The following GPHN variants were observed in gnomAD, a reference collection of about 807,000 sequenced individuals.
GPHN encodes the protein gephyrin.
In GPHN, 17 loss-of-function variants were observed where a neutral mutation model predicts 95.5. The ratio of observed to expected loss-of-function variants is 0.18; its 90% confidence interval spans 0.12 to 0.27. The LOEUF (loss-of-function observed/expected upper bound fraction) is 0.27, where lower values mean the gene tolerates loss of function less well. Ranked by LOEUF, GPHN falls within the 10% of genes least tolerant of loss-of-function variation. GPHN has a pLI of 1.00. For synonymous variants in GPHN, 320 were observed against 322.5 expected, an observed-to-expected ratio of 0.99 and a Z score of 0.08; for missense variants, 660 against 978.1, an observed-to-expected ratio of 0.67 and a Z score of 4.34.
At chr14:66,840,098 G>A (rs10142176) in intron 4 of GPHN, among the ~76,000 whole-genome samples, 35,212 of 151,786 alleles carry the variant, frequency 0.23, 8,068 homozygotes, top group African/African-American at 0.56. Flanking sequence ...GGCCAACACG[G>A]TGAAACCCCG....
At chr14:66,521,223 G>T (rs1203674395) in intron 1 of GPHN, among the ~76,000 whole-genome samples, 1 of 152,066 alleles carries the variant, frequency 6.6e-6, no homozygotes, top group Admixed American at 6.6e-5. Flanking sequence ...TATATACCCA[G>T]TAATGGAATT....
chr14:67,050,021 G>A (rs1276284047), intron 10 of GPHN, among the ~76,000 whole-genome samples: 2 of 152,128 alleles, frequency 1.3e-5, no homozygotes, highest in African/African-American at 4.8e-5. Context: ...TAGTTAATTT[G>A]TTATATATCC....
At chr14:67,515,477 C>T in the GPHN span, 1 of 161,574 alleles carries the variant, frequency 6.2e-6, no homozygotes, top group South Asian at 1.6e-4. Context: ...ACTGCACATG[C>T]TCGCGTCTGA....
the GPHN span, among the ~76,000 whole-genome samples, chr14:67,281,932 A>G: frequency 6.6e-6 from 1 of 151,930 alleles, no homozygotes; most frequent in Non-Finnish European, 1.5e-5. Context: ...AAAAGTACCT[A>G]TGTGTGGTCC....
chr14:67,559,555 G>T, the GPHN span: 10 of 1,299,114 alleles, frequency 7.7e-6, no homozygotes, highest in Non-Finnish European at 1.1e-5. Context: ...CCTCCAGTCA[G>T]TCACTCTCCT....
At chr14:66,511,695 AAATT>A (rs1337221444) in intron 1 of GPHN, among the ~76,000 whole-genome samples, 1 of 152,094 alleles carries the variant, frequency 6.6e-6, no homozygotes, top group Non-Finnish European at 1.5e-5. Flanking sequence ...CTCATTAAAT[AAATT>A]AATTGTATTA....
intron 9 of GPHN, among the ~76,000 whole-genome samples, chr14:66,967,030 T>A (rs2069379691): frequency 6.6e-6 from 1 of 151,922 alleles, no homozygotes; most frequent in African/African-American, 2.4e-5. Flanking sequence ...TGGCTTGTCT[T>A]GATATTTTTT....
the GPHN span, chr14:67,242,127 T>A: frequency 6.6e-6 from 1 of 152,244 alleles, no homozygotes. Flanking sequence ...TAAATTGTTA[T>A]AACCTACGTT....
chr14:67,058,956 T>A, intron 11 of GPHN, 170 bp downstream of exon 11: 1 of 680,438 alleles, frequency 1.5e-6, no homozygotes, highest in South Asian at 1.8e-5. Context: ...AGGCTAAGGG[T>A]TCAGCCTTAA....
the GPHN span, chr14:67,349,191 G>C: frequency 8.0e-7 from 1 of 1,242,454 alleles, no homozygotes; most frequent in Non-Finnish European, 1.1e-6. Flanking sequence ...CATTAAATGA[G>C]ACCAAGAGTG....
chr14:67,431,300 G>A, the GPHN span, among the ~76,000 whole-genome samples: 2 of 148,622 alleles, frequency 1.3e-5, no homozygotes, highest in South Asian at 4.3e-4. Context: ...GCTGAGGCAG[G>A]AGAATTGCTT....
rs990468978 is a variant in GPHN at position 66,713,223 on chromosome 14, G to A, written c.143+32038G>A. On this transcript the variant is annotated intron_variant, in intron 2 of 22. Coordinates refer to ENST00000478722, the MANE Select transcript of GPHN (RefSeq NM_020806.5). ...TCATGAAATCCTTGCCTAAGCCAAC[G>A]TGTAGAAGGGTTTTTCTGATGTTAT... 3.5e-4 allele frequency among the ~76,000 whole-genome samples: 53 copies of A among 152,242 alleles called. 1 individual carries two copies. Among genetic ancestry groups the A allele is most frequent in the African/African-American group, 1.0e-3 (42 of 41,556 alleles).
intron 4 of GPHN, among the ~76,000 whole-genome samples, chr14:66,877,746 GA>G (rs1477481236): frequency 6.7e-6 from 1 of 149,946 alleles, no homozygotes; most frequent in East Asian, 2.4e-4. Flanking sequence ...GACACAAATG[GA>G]AAAACATTCC....
At chr14:67,219,447 T>G in the GPHN span, among the ~76,000 whole-genome samples, 1 of 152,198 alleles carries the variant, frequency 6.6e-6, no homozygotes, top group Admixed American at 6.5e-5. Flanking sequence ...ATCTTAGCAG[T>G]TTATTCATTG....
chr14:67,586,615 C>CA, the GPHN span: 6 of 437,880 alleles, frequency 1.4e-5, no homozygotes, highest in Non-Finnish European at 2.4e-5. Context: ...TGTTGACCAG[C>CA]AAAAATAATA....
chr14:66,564,959 A>T (rs951863360), intron 1 of GPHN, among the ~76,000 whole-genome samples: 1 of 152,096 alleles, frequency 6.6e-6, no homozygotes, highest in Non-Finnish European at 1.5e-5. Flanking sequence ...TGGGACTAGC[A>T]TGTATTTATG....
intron 9 of GPHN, among the ~76,000 whole-genome samples, chr14:66,991,614 A>G (rs1322073455): frequency 1.4e-5 from 2 of 147,984 alleles, no homozygotes; most frequent in Admixed American, 6.8e-5. Flanking sequence ...TAACTGTCCA[A>G]TATAGCAAAA....
At chr14:66,889,652 T>C (rs117394382) in intron 5 of GPHN, among the ~76,000 whole-genome samples, 1,828 of 152,122 alleles carry the variant, frequency 0.012, 19 homozygotes, top group Non-Finnish European at 0.018. Flanking sequence ...AAAAAATAAT[T>C]ACATTTTTGA....
intron 3 of GPHN, among the ~76,000 whole-genome samples, chr14:66,781,910 A>C (rs1282131306): frequency 6.6e-6 from 1 of 152,212 alleles, no homozygotes; most frequent in East Asian, 1.9e-4. Flanking sequence ...CCTGGGTATT[A>C]AGAAACATGT....
Sources: allele counts gnomAD v4.1 joint callset (sites outside exome capture counted in the v4.1 genomes callset), GRCh38; gene constraint gnomAD v4.1.1; transcripts MANE v1.5; gene names NCBI Gene and HGNC (gene_info 2026-07-23, HGNC 2026-07-21).